The following IFT25 variants were observed in gnomAD, a reference collection of about 807,000 sequenced individuals.
IFT25 encodes intraflagellar transport 25.
At chr1:53,926,077 CAAA>C in the IFT25 span, among the ~76,000 whole-genome samples, 2 of 54,100 alleles carry the variant, frequency 3.7e-5, no homozygotes, top group Admixed American at 2.1e-4. Flanking sequence ...ACTCCAGTCT[CAAA>C]AAAAAAAAAA....
chr1:53,927,871 G>T, the IFT25 span, among the ~76,000 whole-genome samples: 2 of 152,110 alleles, frequency 1.3e-5, no homozygotes, highest in Non-Finnish European at 2.9e-5. Flanking sequence ...GCTTTAGTTT[G>T]CTGGTTGTTA....
At chr1:53,924,260 A>C in the IFT25 span, among the ~76,000 whole-genome samples, 196 of 149,604 alleles carry the variant, frequency 1.3e-3, no homozygotes, top group Middle Eastern at 3.4e-3. Context: ...CATTTATTTA[A>C]AAAAAATCCC....
the IFT25 span, among the ~76,000 whole-genome samples, chr1:53,911,608 T>TA: frequency 6.6e-6 from 1 of 152,162 alleles, no homozygotes; most frequent in South Asian, 2.1e-4. Flanking sequence ...AATCTCTATA[T>TA]ATCTCAAAGA....
chr1:53,915,210 TAC>T, the IFT25 span, among the ~76,000 whole-genome samples: 1 of 152,178 alleles, frequency 6.6e-6, no homozygotes, highest in Non-Finnish European at 1.5e-5. Context: ...GCCCTGAGGA[TAC>T]AGTCATGAGC....
At chr1:53,945,626 G>A in the IFT25 span, 1 of 152,358 alleles carries the variant, frequency 6.6e-6, no homozygotes, top group African/African-American at 2.4e-5. Context: ...GCCCCACGCA[G>A]AGCGTCCCGA....
At chr1:53,920,166 TTCTC>T in the IFT25 span, among the ~76,000 whole-genome samples, 1 of 152,158 alleles carries the variant, frequency 6.6e-6, no homozygotes, top group African/African-American at 2.4e-5. Flanking sequence ...GCAAAGCACT[TTCTC>T]TCATCTACCA....
the IFT25 span, chr1:53,939,762 T>C: frequency 2.3e-6 from 1 of 436,928 alleles, no homozygotes; most frequent in Non-Finnish European, 4.0e-6. Flanking sequence ...AAAAACCTAT[T>C]TGTATCAAGA....
chr1:53,922,740 G>T, the IFT25 span, among the ~76,000 whole-genome samples: 1 of 152,028 alleles, frequency 6.6e-6, no homozygotes, highest in Non-Finnish European at 1.5e-5. Context: ...TATGCCAACT[G>T]GCAAATGTTA....
the IFT25 span, chr1:53,946,248 C>A: frequency 6.6e-6 from 1 of 151,914 alleles, no homozygotes; most frequent in African/African-American, 2.4e-5. Context: ...TCTGCGAGTT[C>A]CAAACCCTCG....
At chr1:53,921,445 T>C in the IFT25 span, 31 of 509,166 alleles carry the variant, frequency 6.1e-5, no homozygotes, top group South Asian at 6.6e-4. Context: ...GATTAAGCTA[T>C]ATACTGAAGC....
chr1:53,940,106 T>G, the IFT25 span: 2 of 1,365,950 alleles, frequency 1.5e-6, no homozygotes, highest in Non-Finnish European at 2.0e-6. Flanking sequence ...ACCTGCAAAT[T>G]AAAAAATAAC....
the IFT25 span, chr1:53,924,050 A>T: frequency 2.4e-5 from 18 of 760,612 alleles, no homozygotes; most frequent in African/African-American, 3.0e-4. Context: ...GTAAATTATG[A>T]GACCAGGTTT....
chr1:53,941,487 T>C, the IFT25 span, among the ~76,000 whole-genome samples: 3 of 152,246 alleles, frequency 2.0e-5, no homozygotes, highest in Non-Finnish European at 2.9e-5. Context: ...ATTGATAGTA[T>C]TAAAAGTGTG....
the IFT25 span, among the ~76,000 whole-genome samples, chr1:53,935,124 G>T: frequency 6.0e-3 from 908 of 152,312 alleles, 9 homozygotes; most frequent in African/African-American, 0.021. Context: ...GACCATCCTG[G>T]CCAACATGGT....
chr1:53,935,629 AC>A, the IFT25 span, among the ~76,000 whole-genome samples: 1 of 146,136 alleles, frequency 6.8e-6, no homozygotes, highest in African/African-American at 2.6e-5. Context: ...GGCCAGAACT[AC>A]TTTTTTTTTT....
chr1:53,924,754 G>A, the IFT25 span, among the ~76,000 whole-genome samples: 11,451 of 152,084 alleles, frequency 0.075, 781 homozygotes, highest in African/African-American at 0.19. Flanking sequence ...GGAGAATGGC[G>A]TGAACCCAGG....
At chr1:53,919,690 C>T in the IFT25 span, among the ~76,000 whole-genome samples, 1 of 152,204 alleles carries the variant, frequency 6.6e-6, no homozygotes, top group Admixed American at 6.5e-5. Flanking sequence ...TCAATAGATT[C>T]AGATCCCTGC....
the IFT25 span, chr1:53,923,788 T>C: frequency 1.4e-6 from 1 of 693,006 alleles, no homozygotes; most frequent in South Asian, 1.7e-5. Flanking sequence ...CCGGTTGATT[T>C]AGGTACAAAC....
the IFT25 span, among the ~76,000 whole-genome samples, chr1:53,921,177 A>G: frequency 1.2e-4 from 19 of 152,164 alleles, no homozygotes; most frequent in African/African-American, 4.3e-4. Context: ...CTGCAAAAAA[A>G]TATTTTTTTT....
Sources: gnomAD v4.1 joint callset for allele counts (sites outside exome capture counted in the v4.1 genomes callset) on GRCh38, gnomAD v4.1.1 for gene constraint, MANE v1.5 for transcripts, NCBI Gene and HGNC (gene_info 2026-07-23, HGNC 2026-07-21) for gene names.